The following TTC9C variants were observed in gnomAD, a reference collection of about 807,000 sequenced individuals.
The protein encoded by TTC9C is tetratricopeptide repeat protein 9C.
TTC9C carries 15 observed loss-of-function variants against 22.5 expected under a neutral mutation model. The ratio of observed to expected loss-of-function variants is 0.67; its 90% CI spans 0.45 to 1.03. TTC9C has a LOEUF of 1.03. TTC9C is among the 50% of genes least tolerant of loss of function. The pLI is 0.00. For synonymous variants in TTC9C, 92 were observed against 86.8 expected, an observed-to-expected ratio of 1.06 and a Z score of -0.33; for missense variants, 244 against 214.6, an observed-to-expected ratio of 1.14 and a Z score of -0.86.
intron 1 of TTC9C, chr11:62,733,035 A>G (rs998599462): frequency 5.7e-6 from 4 of 696,848 alleles, no homozygotes; most frequent in African/African-American, 5.7e-5. Context: ...ACATCAGCAC[A>G]GGCCCTTTAA....
intron 1 of TTC9C, among the ~76,000 whole-genome samples, chr11:62,734,313 G>A (rs955143030): frequency 6.6e-6 from 1 of 151,206 alleles, no homozygotes; most frequent in Non-Finnish European, 1.5e-5. Flanking sequence ...AAAAAATAGG[G>A]TCTCACCTGG....
At position 62,728,871 on chromosome 11, in the gene TTC9C, C is replaced by T; in HGVS notation, c.23C>T (p.Ala8Val). 6.2e-7 allele frequency: 1 copy of T among 1,614,118 alleles called. No homozygotes were observed. Among genetic ancestry groups the T allele is most frequent in the South Asian group, 1.1e-5 (1 of 91,086 alleles). ...GTTATGGAGAAGCGTCTGCAGGAGG[C>T]TCAGCTGTACAAGGAGGAAGGGAAC... The part of the protein sequence containing the change: MEKRLQE[A>V]QLYKEEGNQR... The change falls in exon 1 of 3, where the codon GCT becomes GTT. Residue 8 changes from alanine (A) to valine (V), a missense_variant. Physicochemically the swap from Ala to Val is moderately conservative, Grantham distance 64 (BLOSUM62 0). Coordinates refer to ENST00000316461, the MANE Select transcript of TTC9C (RefSeq NM_173810.4).
chr11:62,728,352 G>A (rs559015783), upstream of TTC9C: 23 of 361,952 alleles, frequency 6.4e-5, no homozygotes, highest in Non-Finnish European at 1.1e-4. Flanking sequence ...ATTTATTGAC[G>A]TCAACAAATA....
chr11:62,729,098 G>A lies in TTC9C; in HGVS notation c.238+12G>A, dbSNP rs1304338293. The A allele has an allele frequency of 1.2e-6, 2 of 1,609,196 alleles. No homozygotes were observed. The highest frequency in any genetic ancestry group is 1.7e-4 in the Middle Eastern group (1 of 6,058). The stretch of plus-strand genomic sequence containing the variant: ...TAACAATCTAGCTGGTAAGAACGGG[G>A]CTAAAGGGTGGCTAGAGAGCATTAA... On this transcript the variant is annotated intron_variant, in intron 1 of 2. Coordinates refer to ENST00000316461, the MANE Select transcript of TTC9C (RefSeq NM_173810.4).
In TTC9C at chr11:62,728,977, G is replaced by A; in HGVS notation, c.129G>A (p.Pro43=). ...RALLQLRGLD[P]SLPSPLPNLG... is the part of the protein sequence containing the mutation. The stretch of plus-strand genomic sequence containing the variant: ...TGCTTCAGCTGCGGGGTCTGGATCC[G>A]AGTCTGCCCTCTCCGTTACCTAATC... The change falls in exon 1 of 3, where the codon CCG becomes CCA. Residue 43 remains proline, a synonymous_variant. Coordinates refer to ENST00000316461, the MANE Select transcript of TTC9C (RefSeq NM_173810.4). The A allele has an allele frequency of 6.2e-7, 1 of 1,614,144 alleles. No homozygotes were observed. Among genetic ancestry groups the A allele is most frequent in the South Asian group, 1.1e-5 (1 of 91,076 alleles).
At chr11:62,736,229 A>G (rs1454193907) in intron 2 of TTC9C, 3 of 150,380 alleles carry the variant, frequency 2.0e-5, no homozygotes, top group African/African-American at 7.3e-5. Context: ...CAAAAAAAAA[A>G]AAAAAAAAAA....
In TTC9C at chr11:62,738,387, G is replaced by A. The variant is rs748633132; in HGVS notation, c.*5G>A. On this transcript the variant is annotated 3_prime_UTR_variant, in exon 3 of 3. Coordinates refer to ENST00000316461, the MANE Select transcript of TTC9C (RefSeq NM_173810.4). Reference sequence around the variant, plus strand: ...TACCTGGGCATGTTTGGTTAACAAAGAAGAAAGATGCTCCTCCAGTTGAAC... The same window carrying A: ...TACCTGGGCATGTTTGGTTAACAAAAAAGAAAGATGCTCCTCCAGTTGAAC... 3.1e-6 allele frequency: 5 copies of A among 1,588,180 alleles called. No homozygotes were observed. The Admixed American group carries it at 8.4e-5, about 27-fold the overall frequency.
chr11:62,735,139 C>G (rs1032367641), intron 1 of TTC9C, among the ~76,000 whole-genome samples: 1 of 152,088 alleles, frequency 6.6e-6, no homozygotes, highest in Non-Finnish European at 1.5e-5. Flanking sequence ...GGTGATCCAC[C>G]CGTCTCGGCC....
chr11:62,737,440 A>G (rs188601370), intron 2 of TTC9C, among the ~76,000 whole-genome samples: 1 of 152,312 alleles, frequency 6.6e-6, no homozygotes, highest in East Asian at 1.9e-4. Context: ...TGTGAAGCAG[A>G]TGAGAGACTC....
intron 1 of TTC9C, among the ~76,000 whole-genome samples, chr11:62,731,648 C>T (rs2083850614): frequency 6.6e-6 from 1 of 151,886 alleles, no homozygotes; most frequent in Admixed American, 6.6e-5. Flanking sequence ...AGCACTCTGA[C>T]TTCATTCATT....
At chr11:62,729,569 ATTT>A (rs1204345239) in intron 1 of TTC9C, among the ~76,000 whole-genome samples, 1 of 113,600 alleles carries the variant, frequency 8.8e-6, no homozygotes, top group Non-Finnish European at 1.8e-5. Flanking sequence ...CGCCCAGCTA[ATTT>A]TTTTTTTTTT....
intron 2 of TTC9C, among the ~76,000 whole-genome samples, chr11:62,738,054 A>T (rs1471967990): frequency 1.3e-5 from 2 of 149,464 alleles, no homozygotes; most frequent in Non-Finnish European, 3.0e-5. Flanking sequence ...AATAAATAAA[A>T]TAAATAAATA....
chr11:62,733,609 A>AT (rs941379562), intron 1 of TTC9C, among the ~76,000 whole-genome samples: 51 of 147,526 alleles, frequency 3.5e-4, no homozygotes, highest in East Asian at 7.9e-4. Flanking sequence ...AATTTATCTA[A>AT]TTTTTTTTTT....
At chr11:62,731,433 C>CA (rs1185086207) in intron 1 of TTC9C, among the ~76,000 whole-genome samples, 2 of 151,918 alleles carry the variant, frequency 1.3e-5, no homozygotes, top group Admixed American at 1.3e-4. Flanking sequence ...CCGGTCTCTA[C>CA]AAAAAATACA....
intron 1 of TTC9C, chr11:62,732,990 G>C: frequency 9.8e-6 from 1 of 102,486 alleles, no homozygotes; most frequent in Middle Eastern, 4.3e-3. Context: ...TTTTTTTTTT[G>C]ACCACTTGGT....
In TTC9C at chr11:62,737,678, G is replaced by A. The variant is rs559311646; in HGVS notation, c.422-610G>A. 2.6e-5 allele frequency among the ~76,000 whole-genome samples: 4 copies of A among 152,284 alleles called. No homozygotes were observed. The South Asian group carries it at 6.2e-4, about 24-fold the overall frequency. On this transcript the variant is annotated intron_variant, in intron 2 of 2. Transcript: ENST00000316461. ...AAATTAACTGCCACCTATATGAATA[G>A]TATCTTTAGAGGCTCTATTTTAATG... is the stretch of plus-strand genomic sequence containing the variant.
intron 1 of TTC9C, among the ~76,000 whole-genome samples, chr11:62,734,813 AC>A (rs1239126371): frequency 6.6e-6 from 1 of 152,102 alleles, no homozygotes; most frequent in Non-Finnish European, 1.5e-5. Flanking sequence ...GTATGTTCTT[AC>A]CAGCTTTATA....
At chr11:62,729,735 C>G (rs2134801144) in intron 1 of TTC9C, among the ~76,000 whole-genome samples, 1 of 152,094 alleles carries the variant, frequency 6.6e-6, no homozygotes, top group Non-Finnish European at 1.5e-5. Flanking sequence ...GCCACCATGC[C>G]CAGCTAATTT....
intron 1 of TTC9C, among the ~76,000 whole-genome samples, chr11:62,730,045 A>C (rs1235065229): frequency 6.6e-6 from 1 of 152,160 alleles, no homozygotes; most frequent in South Asian, 2.1e-4. Flanking sequence ...CCTTATATTC[A>C]GTGGGTCGTA....
Sources: gnomAD v4.1 joint callset for allele counts (sites outside exome capture counted in the v4.1 genomes callset) on GRCh38, gnomAD v4.1.1 for gene constraint, MANE v1.5 for transcripts, NCBI Gene and HGNC (gene_info 2026-07-23, HGNC 2026-07-21) for gene names.